The following PRC1 variants were observed in gnomAD, a reference collection of about 807,000 sequenced individuals.
PRC1 encodes the protein protein regulator of cytokinesis 1.
Under a neutral mutation model 91.2 loss-of-function variants are expected in PRC1, and 54 were observed. The ratio of observed to expected loss-of-function variants is 0.59; its 90% CI spans 0.48 to 0.74. The LOEUF is 0.74. PRC1 is among the 30% of genes least tolerant of loss of function. PRC1 has a pLI of 0.00. For synonymous variants in PRC1, 275 were observed against 263.6 expected (o/e 1.04, Z -0.42); for missense variants, 727 against 746.2 (o/e 0.97, Z 0.30).
In PRC1 at chr15:90,984,635, G is replaced by A. The variant is rs2039450352; in HGVS notation, c.144+58C>T. 1 of 1,595,980 alleles carries A rather than the reference G, an allele frequency of 6.3e-7. No homozygotes were observed. The highest frequency in any genetic ancestry group is 8.6e-7 in the Non-Finnish European group (1 of 1,167,732). ...ATGTCCCTTCTGTATGCTATCTCGG[G>A]TGAGACACCAACATCCTTACCCTGG... On this transcript the variant is annotated intron_variant, in intron 2 of 14. Coordinates refer to ENST00000394249, the MANE Select transcript of PRC1 (RefSeq NM_003981.4). The surrounding 1 kb of genome is among the most constrained non-coding windows in gnomAD (Gnocchi z 5.1).
intron 14 of PRC1, 50 bp downstream of exon 14, chr15:90,969,029 A>C (rs1486462963): frequency 3.1e-6 from 5 of 1,613,770 alleles, no homozygotes. Flanking sequence ...TGAAGCCAGC[A>C]GATGACAGAT....
chr15:90,984,916 T>C lies in PRC1; in HGVS notation c.12-91A>G. The C allele has an allele frequency of 1.3e-6, 2 of 1,504,402 alleles. No individual in the cohort carries two copies. Among genetic ancestry groups the C allele is most frequent in the East Asian group, 2.3e-5 (1 of 43,868 alleles). The allele number at this position is 1,504,402 out of a possible 1,614,324, so 93.2% of individuals were successfully genotyped here. ...TTCGAGAACTAAAAAGACTAGCTTC[T>C]CAGTGGCCTCGAGAAAAAAACAAAT... On this transcript the variant is annotated intron_variant, in intron 1 of 14. Coordinates refer to ENST00000394249, the MANE Select transcript of PRC1 (RefSeq NM_003981.4). This position sits in a 1 kb window ranked among gnomAD's most constrained non-coding sequence, Gnocchi z 5.1.
chr15:90,986,928 T>C (rs11853073), intron 1 of PRC1, among the ~76,000 whole-genome samples: 63,107 of 150,698 alleles, frequency 0.42, 16,729 homozygotes, highest in African/African-American at 0.75. Context: ...CAAATGCCAC[T>C]AGATATGCAA....
intron 1 of PRC1, among the ~76,000 whole-genome samples, chr15:90,985,544 A>T (rs1231931235): frequency 5.0e-5 from 7 of 140,332 alleles, no homozygotes; most frequent in African/African-American, 1.4e-4. Context: ...TTATTTAATT[A>T]ATTTATTTAT....
chr15:90,977,808 G>C (rs1236176997), intron 8 of PRC1, among the ~76,000 whole-genome samples: 1 of 151,934 alleles, frequency 6.6e-6, no homozygotes, highest in Non-Finnish European at 1.5e-5. Flanking sequence ...AGATGGTCTC[G>C]ATCTCTTGAC....
In PRC1 at chr15:90,974,456, C is replaced by T. The variant is rs190632405; in HGVS notation, c.1350+129G>A. ...TCCCCGTTCCACAAGCCCCGGTCCC[C>T]GGCTTCCCGTTCCACAAGCCCCGGT... On this transcript the variant is annotated intron_variant, in intron 10 of 14. Transcript: ENST00000394249. This position sits in a 1 kb window ranked among gnomAD's most constrained non-coding sequence, Gnocchi z 4.6. The T allele has an allele frequency of 7.7e-4, 1,055 of 1,375,930 alleles. 2 individuals are homozygous for T. The African/African-American group carries it at 0.011, about 15-fold the overall frequency. 85.2% of individuals were successfully genotyped at this position (1,375,930 alleles called of 1,614,324 possible).
chr15:90,969,527 T>A lies in PRC1; in HGVS notation c.1669A>T (p.Ser557Cys). Residue 557 changes from serine (S) to cysteine (C), a missense_variant, in exon 13 of 15, where the codon AGT (serine) becomes TGT (cysteine). Ser to Cys is a moderately radical substitution (Grantham distance 112). Coordinates refer to ENST00000394249, the MANE Select transcript of PRC1 (RefSeq NM_003981.4). ...GGGGCCGAGCCAGGGTACCCACCAC[T>A]CAGGATGCTGCCGTTGAGCTCCAGG... ...ENLELNGSIL[S>C]GGYPGSAPLQ... 1 of 1,613,652 alleles carries A rather than the reference T, an allele frequency of 6.2e-7. No individual in the cohort carries two copies. Among genetic ancestry groups the A allele is most frequent in the Non-Finnish European group, 8.5e-7 (1 of 1,179,680 alleles).
intron 5 of PRC1, 134 bp downstream of exon 5, chr15:90,981,365 A>T: frequency 9.6e-7 from 1 of 1,038,190 alleles, no homozygotes; most frequent in Non-Finnish European, 1.4e-6. Context: ...TATATCATAT[A>T]TTACTATCCT....
intron 7 of PRC1, 145 bp from the exon 8 acceptor site, chr15:90,979,439 G>A (rs1311441363): frequency 1.9e-5 from 18 of 937,062 alleles, no homozygotes; most frequent in Non-Finnish European, 1.9e-5. Context: ...GTGTGTAATA[G>A]ATATATAGTG....
At chr15:90,968,011 A>C (rs760876978) in intron 14 of PRC1, 22 of 985,270 alleles carry the variant, frequency 2.2e-5, no homozygotes, top group Non-Finnish European at 2.7e-5. Flanking sequence ...GAGCAGCAAA[A>C]GATAAAGCAT....
chr15:90,973,315 A>G (rs760235536), intron 11 of PRC1, among the ~76,000 whole-genome samples: 2 of 152,250 alleles, frequency 1.3e-5, no homozygotes, highest in Non-Finnish European at 2.9e-5. Context: ...CTTGTTAACA[A>G]TATGTTTACA....
intron 9 of PRC1, 45 bp downstream of exon 9, chr15:90,976,631 G>A: frequency 7.2e-7 from 1 of 1,390,122 alleles, no homozygotes; most frequent in Non-Finnish European, 1.0e-6. Context: ...AAATAGTGAG[G>A]TATCTTTGTA....
At chr15:90,992,566 T>C (rs991634565) in intron 1 of PRC1, among the ~76,000 whole-genome samples, 3 of 152,282 alleles carry the variant, frequency 2.0e-5, no homozygotes, top group South Asian at 2.1e-4. Context: ...AGAAGTCTTT[T>C]TGAATGAATA....
chr15:90,966,371 A>G lies in PRC1; in HGVS notation c.*760T>C. ...AAGACAGCTCAACCCATTGGAACAA[A>G]CAGACTCCCAATGTGGCTGGCAACT... is the stretch of plus-strand genomic sequence containing the variant. On this transcript the variant is annotated 3_prime_UTR_variant, in exon 15 of 15. Transcript: ENST00000394249. The G allele has an allele frequency of 3.0e-6, 1 of 334,302 alleles. No individual in the cohort carries two copies. Among genetic ancestry groups the G allele is most frequent in the Non-Finnish European group, 6.0e-6 (1 of 166,832 alleles). 20.7% of individuals were successfully genotyped at this position (334,302 alleles called of 1,614,324 possible). A position where few individuals can be genotyped will look rare whatever the true frequency, so the allele number is the denominator to read the frequency against.
intron 9 of PRC1, among the ~76,000 whole-genome samples, chr15:90,976,174 T>A (rs1157727814): frequency 6.6e-6 from 1 of 152,136 alleles, no homozygotes; most frequent in Non-Finnish European, 1.5e-5. Flanking sequence ...CTGCAACCTC[T>A]GCCTCCTGGG....
At position 90,974,677 on chromosome 15, in the gene PRC1, C is replaced by G. The variant is rs1277948706; in HGVS notation, c.1258G>C (p.Ala420Pro). 1 of 1,614,118 alleles carries G rather than the reference C, an allele frequency of 6.2e-7. No individual in the cohort carries two copies. The highest frequency in any genetic ancestry group is 8.5e-7 in the Non-Finnish European group (1 of 1,180,060). Residue 420 changes from alanine to proline, a missense_variant, in exon 10 of 15, where the codon GCA (alanine) becomes CCA (proline). Physicochemically the swap from Ala to Pro is conservative, Grantham distance 27. Transcript: ENST00000394249. This position sits in a 1 kb window ranked among gnomAD's most constrained non-coding sequence, Gnocchi z 4.6. ...IELWEQEHSK[A>P]FMVNGQKFME... ...AATTTCTGCCCATTCACCATAAATG[C>G]CTTTGAATGTTCCTGTTCCCACAAT...
At position 90,984,289 on chromosome 15, in the gene PRC1, C is replaced by G. The variant is rs965106061; in HGVS notation, c.145-149G>C. The G allele has an allele frequency of 6.3e-6, 7 of 1,119,294 alleles. No homozygotes were observed. The highest frequency in any genetic ancestry group is 7.5e-6 in the Non-Finnish European group (6 of 795,332). 69.3% of individuals were successfully genotyped at this position (1,119,294 alleles called of 1,614,324 possible). On this transcript the variant is annotated intron_variant, in intron 2 of 14. Coordinates refer to ENST00000394249, the MANE Select transcript of PRC1 (RefSeq NM_003981.4). The surrounding 1 kb of genome is among the most constrained non-coding windows in gnomAD (Gnocchi z 5.1). ...TGTTGCCCAGGCTGGAGTGCAATGG[C>G]GTGCTTTCGGCTCACTGCAACCTCT...
Position 90,966,481 on chromosome 15 carries a change from C to T in PRC1, c.*650G>A. 3.4e-5 allele frequency: 14 copies of T among 411,916 alleles called. No homozygotes were observed. Among genetic ancestry groups the T allele is most frequent in the South Asian group, 2.2e-4 (13 of 59,636 alleles). 25.5% of individuals were successfully genotyped at this position (411,916 alleles called of 1,614,324 possible). Reference sequence around the variant, plus strand: ...GACAAACGCCGAGAAAGCGTTCCGACAAGCATGTGTGTTCATACATGCATA... The same window carrying T: ...GACAAACGCCGAGAAAGCGTTCCGATAAGCATGTGTGTTCATACATGCATA... On this transcript the variant is annotated 3_prime_UTR_variant, in exon 15 of 15. Coordinates refer to ENST00000394249, the MANE Select transcript of PRC1 (RefSeq NM_003981.4).
chr15:90,976,620 C>G (rs1389288840), intron 9 of PRC1, 56 bp downstream of exon 9: 6 of 1,357,424 alleles, frequency 4.4e-6, no homozygotes, highest in Middle Eastern at 1.8e-4. Flanking sequence ...AAAAGACATA[C>G]AAATAGTGAG....
Sources: allele counts gnomAD v4.1 joint callset (sites outside exome capture counted in the v4.1 genomes callset), GRCh38; gene constraint gnomAD v4.1.1; non-coding constraint Gnocchi (gnomAD v3.1); transcripts MANE v1.5; gene names NCBI Gene and HGNC (gene_info 2026-07-23, HGNC 2026-07-21).